Variants in ITGB2 observed in about 807,000 individuals in gnomAD.
The protein encoded by ITGB2 is integrin subunit beta 2.
Under a neutral mutation model 86.8 loss-of-function variants are expected in ITGB2, and 56 were observed. The observed-to-expected ratio is 0.65, with a 90% CI of 0.52 to 0.81. ITGB2 has a LOEUF of 0.81. Among genes scored for constraint, ITGB2 ranks in the 30% least tolerant of loss-of-function variants. The pLI, the probability that ITGB2 is intolerant of heterozygous loss-of-function variation, is 0.00. For missense variants in ITGB2, 948 were observed against 1,061.2 expected (o/e 0.89, Z 1.48); for synonymous variants, 457 against 450.4 (o/e 1.01, Z -0.19).
intron 10 of ITGB2, 166 bp downstream of exon 10, chr21:44,893,238 C>G: frequency 1.3e-6 from 1 of 741,006 alleles, no homozygotes; most frequent in South Asian, 1.7e-5. Context: ...CCTCTGATGC[C>G]TGTGTGCCCC....
rs1185543571 is a variant in ITGB2 at position 44,901,454 on chromosome 21, G to A, written c.741+38C>T. On this transcript the variant is annotated intron_variant, in intron 6 of 15. Transcript: ENST00000652462. Reference sequence around the variant, plus strand: ...GCGCCTGACAGAGCCCCCCACACTGGGGGAACGTGGGGACCCAAGCAGGGG... The same window carrying A: ...GCGCCTGACAGAGCCCCCCACACTGAGGGAACGTGGGGACCCAAGCAGGGG... The A allele has an allele frequency of 3.1e-6, 5 of 1,608,482 alleles. No homozygotes were observed. The African/African-American group carries it at 5.3e-5, about 17-fold the overall frequency.
chr21:44,896,232 C>T (rs1360137208), intron 8 of ITGB2, among the ~76,000 whole-genome samples: 1 of 152,216 alleles, frequency 6.6e-6, no homozygotes, highest in Non-Finnish European at 1.5e-5. Context: ...GAATTTCCAC[C>T]ACACAGGTAG....
In ITGB2 at chr21:44,893,552, C is replaced by T; in HGVS notation, c.1084-8G>A. 1 of 1,613,526 alleles carries T rather than the reference C, an allele frequency of 6.2e-7. No homozygotes were observed. The highest frequency in any genetic ancestry group is 8.5e-7 in the Non-Finnish European group (1 of 1,179,648). On this transcript the variant is annotated splice_polypyrimidine_tract_variant and splice_region_variant and intron_variant, in intron 9 of 15. Coordinates refer to ENST00000652462, the MANE Select transcript of ITGB2 (RefSeq NM_000211.5). The stretch of plus-strand genomic sequence containing the variant: ...GACCCTGGAGGAGAGTTTCTGCGGG[C>T]AGAGAGCGGTTACTCTTGGGGGCGA...
In ITGB2 at chr21:44,888,842, C is replaced by T; in HGVS notation, c.1931G>A (p.Ser644Asn). Residue 644 changes from serine to asparagine, a missense_variant, in exon 14 of 16, where the codon AGC becomes AAC. Physicochemically the swap from Ser to Asn is conservative, Grantham distance 46 (BLOSUM62 1). Coordinates refer to ENST00000652462, the MANE Select transcript of ITGB2 (RefSeq NM_000211.5). Reference sequence around the variant, plus strand: ...CAGCTGCAGGCCCGGACACGCCGCGCTGCAGTTCTTCCCAAAGGGGCCCTT... The same window carrying T: ...CAGCTGCAGGCCCGGACACGCCGCGTTGCAGTTCTTCCCAAAGGGGCCCTT... Reference protein sequence around the residue: ...FEKGPFGKNCSAACPGLQLSN... With the variant: ...FEKGPFGKNCNAACPGLQLSN... The T allele has an allele frequency of 6.2e-7, 1 of 1,610,180 alleles. No homozygotes were observed. Among genetic ancestry groups the T allele is most frequent in the Non-Finnish European group, 8.5e-7 (1 of 1,179,954 alleles).
intron 8 of ITGB2, among the ~76,000 whole-genome samples, chr21:44,897,469 A>G (rs886785542): frequency 6.6e-6 from 1 of 152,216 alleles, no homozygotes; most frequent in Non-Finnish European, 1.5e-5. Context: ...AATGGCCAGC[A>G]GGTCGGTCAC....
intron 6 of ITGB2, 100 bp downstream of exon 6, chr21:44,901,392 C>G: frequency 6.8e-7 from 1 of 1,461,520 alleles, no homozygotes; most frequent in Admixed American, 2.0e-5. Context: ...GTCCCTCAGA[C>G]GACCTGCCGG....
At chr21:44,895,883 T>TGAAATGAAATGAAA (rs1555855779) in intron 8 of ITGB2, among the ~76,000 whole-genome samples, 1 of 127,466 alleles carries the variant, frequency 7.8e-6, no homozygotes. Context: ...AATAAAAAAA[T>TGAAATGAAATGAAA]AAATAAAATA....
chr21:44,918,945 T>C, intron 1 of ITGB2, among the ~76,000 whole-genome samples: 2 of 150,694 alleles, frequency 1.3e-5, no homozygotes, highest in Admixed American at 6.6e-5. Context: ...AAGCGTCCCC[T>C]CTCCCAGCAC....
At chr21:44,891,053 T>G (rs2083779341) in intron 11 of ITGB2, among the ~76,000 whole-genome samples, 1 of 151,570 alleles carries the variant, frequency 6.6e-6, no homozygotes, top group Non-Finnish European at 1.5e-5. Context: ...CACCAGGACG[T>G]GGATTGGCAC....
At chr21:44,924,648 T>A (rs531911681), upstream of ITGB2, among the ~76,000 whole-genome samples, 11 of 152,000 alleles carry the variant, frequency 7.2e-5, no homozygotes, top group African/African-American at 2.7e-4. Flanking sequence ...ACGGACACAA[T>A]TGAATGAAAT....
At chr21:44,909,062 G>T (rs374088019) in intron 3 of ITGB2, among the ~76,000 whole-genome samples, 9 of 152,342 alleles carry the variant, frequency 5.9e-5, no homozygotes, top group African/African-American at 2.2e-4. Flanking sequence ...GGACCAGCAC[G>T]GCACCAATCT....
upstream of ITGB2, among the ~76,000 whole-genome samples, chr21:44,922,745 C>T (rs530724717): frequency 1.3e-5 from 2 of 149,028 alleles, no homozygotes; most frequent in East Asian, 4.0e-4. Flanking sequence ...AAAAACCAAA[C>T]AATAAAACAT....
intron 7 of ITGB2, among the ~76,000 whole-genome samples, chr21:44,899,401 C>T (rs2083914563): frequency 6.6e-6 from 1 of 152,244 alleles, no homozygotes; most frequent in Non-Finnish European, 1.5e-5. Flanking sequence ...TTTGAGGCGT[C>T]TCACCGTGGG....
chr21:44,903,073 G>A (rs918796530), intron 5 of ITGB2, among the ~76,000 whole-genome samples: 1 of 152,240 alleles, frequency 6.6e-6, no homozygotes, highest in Non-Finnish European at 1.5e-5. Flanking sequence ...AATTGGCACT[G>A]TCAGAATTTT....
Position 44,888,742 on chromosome 21 carries a change from C to T in ITGB2, c.2031G>A (p.Glu677=), listed in dbSNP as rs2083735649. The T allele has an allele frequency of 2.5e-6, 4 of 1,611,414 alleles. No homozygotes were observed. Among genetic ancestry groups the T allele is most frequent in the African/African-American group, 1.3e-5 (1 of 74,946 alleles). ...SEGCWVAYTL[E]QQDGMDRYLI... is the part of the protein sequence containing the mutation. ...GGTAGCGGTCCATCCCGTCCTGCTG[C>T]TCCAGCGTGTAGGCCACCCAGCAGC... Residue 677 remains glutamate, a synonymous_variant, in exon 14 of 16, where the codon GAG becomes GAA. Coordinates refer to ENST00000652462, the MANE Select transcript of ITGB2 (RefSeq NM_000211.5).
At chr21:44,906,466 C>G (rs2084044259) in intron 4 of ITGB2, among the ~76,000 whole-genome samples, 1 of 151,974 alleles carries the variant, frequency 6.6e-6, no homozygotes, top group South Asian at 2.1e-4. Flanking sequence ...GAAACAGGTG[C>G]TCTGGTCAAG....
chr21:44,904,032 C>T (rs1365338392), intron 4 of ITGB2, among the ~76,000 whole-genome samples: 5 of 152,194 alleles, frequency 3.3e-5, no homozygotes, highest in Admixed American at 1.3e-4. Flanking sequence ...CTCAGTCACA[C>T]GTGCGGTTGT....
At chr21:44,899,980 G>A (rs1601301293) in intron 7 of ITGB2, among the ~76,000 whole-genome samples, 2 of 152,334 alleles carry the variant, frequency 1.3e-5, no homozygotes, top group Middle Eastern at 6.8e-3. Context: ...CCAGAGGCGG[G>A]GACGGCAGGG....
At chr21:44,909,143 T>C (rs1175066435) in intron 3 of ITGB2, among the ~76,000 whole-genome samples, 1 of 152,160 alleles carries the variant, frequency 6.6e-6, no homozygotes, top group African/African-American at 2.4e-5. Flanking sequence ...TGCGATTTGA[T>C]GAGGGCAGAA....
Sources: allele counts gnomAD v4.1 joint callset (sites outside exome capture counted in the v4.1 genomes callset), GRCh38; gene constraint gnomAD v4.1.1; transcripts MANE v1.5; gene names NCBI Gene and HGNC (gene_info 2026-07-23, HGNC 2026-07-21).